Variants in DDX4 observed in about 807,000 individuals in gnomAD.
DDX4 encodes the protein DEAD-box helicase 4, also known as probable ATP-dependent RNA helicase DDX4.
Under a neutral mutation model 100.0 loss-of-function variants are expected in DDX4, and 25 were observed. The observed-to-expected ratio is 0.25, with a 90% confidence interval of 0.18 to 0.35. The LOEUF (loss-of-function observed/expected upper bound fraction) is 0.35, where lower values mean the gene tolerates loss of function less well. DDX4 is among the 10% of genes least tolerant of loss of function. The pLI, the probability that DDX4 is intolerant of heterozygous loss-of-function variation, is 1.00. For synonymous variants in DDX4, 259 were observed against 275.7 expected, an observed-to-expected ratio of 0.94 and a Z score of 0.60; for missense variants, 635 against 882.4, an observed-to-expected ratio of 0.72 and a Z score of 3.55.
intron 2 of DDX4, chr5:55,742,284 T>C (rs530634794): frequency 2.2e-6 from 1 of 453,696 alleles, no homozygotes; most frequent in Non-Finnish European, 4.4e-6. Context: ...CGTTGCTTAC[T>C]TACTAGCTGT....
At chr5:55,797,904 A>C (rs528688697) in intron 17 of DDX4, among the ~76,000 whole-genome samples, 1 of 152,140 alleles carries the variant, frequency 6.6e-6, no homozygotes, top group Non-Finnish European at 1.5e-5. Flanking sequence ...ACTACTTTCT[A>C]TGTGTGTCGT....
At chr5:55,742,509 A>G (rs749924994) in intron 2 of DDX4, among the ~76,000 whole-genome samples, 2 of 152,238 alleles carry the variant, frequency 1.3e-5, no homozygotes, top group Non-Finnish European at 2.9e-5. Context: ...ATAAACATAT[A>G]TATGATATTA....
chr5:55,793,910 A>G (rs967750167), intron 17 of DDX4, among the ~76,000 whole-genome samples: 1 of 152,196 alleles, frequency 6.6e-6, no homozygotes, highest in African/African-American at 2.4e-5. Flanking sequence ...GGCCTGTCCC[A>G]ACACCTCTTT....
chr5:55,797,316 A>T (rs1409514152), intron 17 of DDX4, among the ~76,000 whole-genome samples: 9 of 152,170 alleles, frequency 5.9e-5, no homozygotes, highest in Non-Finnish European at 1.3e-4. Flanking sequence ...TTCCTACTTG[A>T]AGTGAGGATC....
chr5:55,815,865 A>G (rs58265757), intron 21 of DDX4, among the ~76,000 whole-genome samples: 4,023 of 147,294 alleles, frequency 0.027, 76 homozygotes, highest in South Asian at 0.052. Flanking sequence ...TCCGCCTCCC[A>G]GGTTCAAACA....
chr5:55,810,296 G>C (rs147499806), intron 18 of DDX4, among the ~76,000 whole-genome samples: 280 of 152,152 alleles, frequency 1.8e-3, no homozygotes, highest in African/African-American at 6.2e-3. Flanking sequence ...GTAGAGATGG[G>C]GTTTCACCAC....
chr5:55,786,680 TC>T lies in DDX4; in HGVS notation c.1017+14del. 1 of 1,606,348 alleles carries T rather than the reference TC, an allele frequency of 6.2e-7. No individual in the cohort carries two copies. Among genetic ancestry groups the T allele is most frequent in the Non-Finnish European group, 8.5e-7 (1 of 1,174,666 alleles). On this transcript the variant is annotated intron_variant, in intron 14 of 21. Coordinates refer to ENST00000505374, the MANE Select transcript of DDX4 (RefSeq NM_024415.3). ...AGGGTCTGGGAAGACTGTAAGTCTT[TC>T]CCCACATGTCCAAACTGTTAGGTTT... is the stretch of plus-strand genomic sequence containing the variant.
chr5:55,805,530 T>C (rs935594293), intron 18 of DDX4, among the ~76,000 whole-genome samples: 7 of 152,144 alleles, frequency 4.6e-5, no homozygotes, highest in African/African-American at 1.7e-4. Context: ...GTTTTTAGCA[T>C]GAAGAGTTGT....
Position 55,775,900 on chromosome 5 carries a change from C to A in DDX4, c.395-4064C>A, listed in dbSNP as rs538459568. Among the ~76,000 whole-genome samples the A allele has an allele frequency of 3.9e-5, 6 of 152,252 alleles. No individual in the cohort carries two copies. In the East Asian group the frequency reaches 1.2e-3, roughly 29 times the overall value. ...CTTTGGGAGGCCGAAGTGGGTGGAT[C>A]ACCTAAGGTCAGGAGTTTGAGACCA... On this transcript the variant is annotated intron_variant, in intron 7 of 21. Coordinates refer to ENST00000505374, the MANE Select transcript of DDX4 (RefSeq NM_024415.3).
At chr5:55,753,345 TGTGTAAG>T (rs929243409) in intron 3 of DDX4, among the ~76,000 whole-genome samples, 1 of 152,236 alleles carries the variant, frequency 6.6e-6, no homozygotes, top group African/African-American at 2.4e-5. Context: ...AATTGATTTT[TGTGTAAG>T]GTGTAAGGAA....
At chr5:55,808,471 A>G (rs1199574617) in intron 18 of DDX4, among the ~76,000 whole-genome samples, 2 of 151,986 alleles carry the variant, frequency 1.3e-5, no homozygotes, top group African/African-American at 4.8e-5. Flanking sequence ...GTCTTTGATG[A>G]TGGTGACGTA....
chr5:55,803,609 G>A (rs1190508705), intron 18 of DDX4, among the ~76,000 whole-genome samples: 2 of 150,246 alleles, frequency 1.3e-5, no homozygotes, highest in Non-Finnish European at 3.0e-5. Flanking sequence ...GTTTACTTGA[G>A]AATGATGATT....
rs577763702 is a variant in DDX4 at position 55,810,638 on chromosome 5, CT to C, written c.1616-3033del. ...TGTAGTCTTTTCTGGTTTGACAACT[CT>C]TACCATACAACTCTTAAATAGTAAT... On this transcript the variant is annotated intron_variant, in intron 18 of 21. Transcript: ENST00000505374. Among the ~76,000 whole-genome samples the C allele has an allele frequency of 6.4e-4, 98 of 152,242 alleles. 5 individuals are homozygous for C. The South Asian group carries it at 0.02, about 31-fold the overall frequency.
intron 10 of DDX4, among the ~76,000 whole-genome samples, chr5:55,785,022 G>A (rs1742158226): frequency 1.3e-5 from 2 of 152,294 alleles, no homozygotes; most frequent in South Asian, 4.1e-4. Context: ...CTCCAACACA[G>A]GTTCTTTTAG....
rs775617366 is a variant in DDX4, at chr5:55,790,627, A to G, written c.1224A>G (p.Ser408=). The change falls in exon 16 of 22, where the codon TCA becomes TCG. Residue 408 remains serine, a synonymous_variant. Coordinates refer to ENST00000505374, the MANE Select transcript of DDX4 (RefSeq NM_024415.3). ...ATGGGGGAACCCAGCTGGGACATTC[A>G]ATTCGACAAATAGTACAAGGCTGTA... The part of the protein sequence containing the change: ...VIYGGTQLGH[S]IRQIVQGCNI... 1 of 1,606,784 alleles carries G rather than the reference A, an allele frequency of 6.2e-7. No homozygotes were observed. Among genetic ancestry groups the G allele is most frequent in the South Asian group, 1.1e-5 (1 of 90,932 alleles).
At chr5:55,792,123 C>CAAAAAAA (rs35635463) in intron 16 of DDX4, among the ~76,000 whole-genome samples, 1 of 52,060 alleles carries the variant, frequency 1.9e-5, no homozygotes, top group Non-Finnish European at 3.8e-5. Context: ...GACTCCTTCT[C>CAAAAAAA]AAAAAAAAAA....
chr5:55,800,044 G>T (rs1030774236), intron 18 of DDX4, among the ~76,000 whole-genome samples: 1 of 152,200 alleles, frequency 6.6e-6, no homozygotes, highest in South Asian at 2.1e-4. Flanking sequence ...TTATTGGTTG[G>T]CTTCATCAAA....
At chr5:55,785,947 C>G in intron 13 of DDX4, 76 bp downstream of exon 13, 1 of 978,614 alleles carries the variant, frequency 1.0e-6, no homozygotes, top group Non-Finnish European at 1.6e-6. Context: ...GTTTGTAAAG[C>G]TGATATCAAC....
At chr5:55,758,730 C>T (rs1760093720) in intron 3 of DDX4, among the ~76,000 whole-genome samples, 1 of 151,828 alleles carries the variant, frequency 6.6e-6, no homozygotes, top group South Asian at 2.1e-4. Context: ...TAATACTGTT[C>T]ACTTGTGTCT....
Sources: allele counts gnomAD v4.1 joint callset (sites outside exome capture counted in the v4.1 genomes callset), GRCh38; gene constraint gnomAD v4.1.1; transcripts MANE v1.5; gene names NCBI Gene and HGNC (gene_info 2026-07-23, HGNC 2026-07-21).